Variants in CREBL2 observed in about 807,000 individuals in gnomAD.
CREBL2 encodes the protein cAMP-responsive element-binding protein-like 2.
Under a neutral mutation model 19.5 loss-of-function variants are expected in CREBL2, and 4 were observed. The ratio of observed to expected loss-of-function variants is 0.20; its 90% CI spans 0.10 to 0.47. The LOEUF (loss-of-function observed/expected upper bound fraction) is 0.47. Ranked by LOEUF, CREBL2 falls within the 20% of genes least tolerant of loss-of-function variation. The pLI is 0.98. For missense variants in CREBL2, 85 were observed against 145.1 expected, an observed-to-expected ratio of 0.59 and a Z score of 2.13; for synonymous variants, 42 against 46.6, an observed-to-expected ratio of 0.90 and a Z score of 0.40.
In CREBL2 at chr12:12,621,058, A is replaced by C. The variant is rs573170302; in HGVS notation, c.15+8871A>C. Among the ~76,000 whole-genome samples the C allele has an allele frequency of 3.9e-5, 6 of 152,352 alleles. No homozygotes were observed. In the East Asian group the frequency reaches 7.7e-4, roughly 20 times the overall value. ...CTGTTGTAAAGCATCTTGCACAGTA[A>C]AGTAAGTATTTTGGTACAGCTAGAG... is the stretch of plus-strand genomic sequence containing the variant. On this transcript the variant is annotated intron_variant, in intron 1 of 3. Transcript: ENST00000228865.
intron 1 of CREBL2, among the ~76,000 whole-genome samples, chr12:12,634,449 G>A (rs1945460100): frequency 2.0e-5 from 3 of 152,258 alleles, no homozygotes; most frequent in Admixed American, 2.0e-4. Context: ...GAGGCTTTCT[G>A]TTTGTTCCTT....
intron 3 of CREBL2, among the ~76,000 whole-genome samples, chr12:12,641,498 AG>A (rs1348885845): frequency 1.9e-4 from 29 of 151,764 alleles, no homozygotes; most frequent in African/African-American, 5.8e-4. Context: ...TAGTAGAGAC[AG>A]GGTTTCACCA....
At chr12:12,641,253 A>ATTATTATTATTTTTTTTTTTTTTTTT in intron 3 of CREBL2, among the ~76,000 whole-genome samples, 1 of 78,262 alleles carries the variant, frequency 1.3e-5, no homozygotes, top group Non-Finnish European at 2.5e-5. Context: ...TATTATTATT[A>ATTATTATTATTTTTTTTTTTTTTTTT]TTTTTTTTTA....
Position 12,611,960 on chromosome 12 carries a change from C to T in CREBL2, c.-213C>T, listed in dbSNP as rs747465554. On this transcript the variant is annotated 5_prime_UTR_variant, in exon 1 of 4. Transcript: ENST00000228865. ...AGGAGGCGGCGGCGGCGAAGGGAGGCGTTTGGGGCCGCCTCCAGGGTCCGC... is the reference window on the plus strand; with the variant it reads ...AGGAGGCGGCGGCGGCGAAGGGAGGTGTTTGGGGCCGCCTCCAGGGTCCGC... The T allele has an allele frequency of 6.7e-6, 4 of 592,970 alleles. No individual in the cohort carries two copies. The highest frequency in any genetic ancestry group is 1.2e-5 in the Non-Finnish European group (4 of 339,510). 36.7% of individuals were successfully genotyped at this position (592,970 alleles called of 1,614,324 possible).
At chr12:12,622,750 A>G (rs1015350061) in intron 1 of CREBL2, among the ~76,000 whole-genome samples, 5 of 152,252 alleles carry the variant, frequency 3.3e-5, no homozygotes, top group African/African-American at 7.2e-5. Flanking sequence ...TTAACATCAA[A>G]TGAAAACGCC....
At position 12,642,264 on chromosome 12, in the gene CREBL2, A is replaced by T. The variant is rs1945528490; in HGVS notation, c.*266A>T. The T allele has an allele frequency of 1.8e-5, 6 of 328,970 alleles. No homozygotes were observed. The highest frequency in any genetic ancestry group is 3.3e-5 in the Non-Finnish European group (6 of 180,682). The allele number at this position is 328,970 out of a possible 1,614,324, so 20.4% of individuals were successfully genotyped here. ...ATTTAACATGTTGTGATGCTTGAAA[A>T]CACAGGAGTAGAGAAAATCGATGAA... On this transcript the variant is annotated 3_prime_UTR_variant, in exon 4 of 4. Transcript: ENST00000228865.
chr12:12,632,093 T>C (rs1945446203), intron 1 of CREBL2, among the ~76,000 whole-genome samples: 1 of 124,048 alleles, frequency 8.1e-6, no homozygotes, highest in African/African-American at 3.0e-5. Flanking sequence ...TTTTTTTTTT[T>C]TTGAGACGGA....
At position 12,642,040 on chromosome 12, in the gene CREBL2, G is replaced by T; in HGVS notation, c.*42G>T. ...AGTCAGTGATTGAAGCCAATATTCT[G>T]ATTCCCATGGAAGATGGATGGGCAA... On this transcript the variant is annotated 3_prime_UTR_variant, in exon 4 of 4. Coordinates refer to ENST00000228865, the MANE Select transcript of CREBL2 (RefSeq NM_001310.4). The T allele has an allele frequency of 6.6e-7, 1 of 1,512,184 alleles. No homozygotes were observed. Among genetic ancestry groups the T allele is most frequent in the South Asian group, 1.2e-5 (1 of 85,124 alleles). The allele number at this position is 1,512,184 out of a possible 1,614,324, so 93.7% of individuals were successfully genotyped here. A position where few individuals can be genotyped will look rare whatever the true frequency, so the allele number is the denominator to read the frequency against.
chr12:12,633,917 G>T (rs551984873), intron 1 of CREBL2, among the ~76,000 whole-genome samples: 1 of 152,064 alleles, frequency 6.6e-6, no homozygotes, highest in Non-Finnish European at 1.5e-5. Flanking sequence ...TTTTAGAATT[G>T]CCTTTAAAGC....
intron 3 of CREBL2, among the ~76,000 whole-genome samples, chr12:12,639,324 C>G (rs2136307543): frequency 6.6e-6 from 1 of 152,260 alleles, no homozygotes; most frequent in South Asian, 2.1e-4. Context: ...ACCTAGGAGT[C>G]AAATTGCTGG....
At chr12:12,634,606 A>G (rs887405734) in intron 1 of CREBL2, among the ~76,000 whole-genome samples, 1 of 152,220 alleles carries the variant, frequency 6.6e-6, no homozygotes, top group Non-Finnish European at 1.5e-5. Flanking sequence ...AAAGCTATTT[A>G]TAATTACACC....
At position 12,642,605 on chromosome 12, in the gene CREBL2, A is replaced by G. The variant is rs1255539745; in HGVS notation, c.*607A>G. 1 of 152,512 alleles carries G rather than the reference A, an allele frequency of 6.6e-6. No homozygotes were observed. The highest frequency in any genetic ancestry group is 1.5e-5 in the Non-Finnish European group (1 of 68,044). The allele number at this position is 152,512 out of a possible 1,614,324, so 9.4% of individuals were successfully genotyped here. On this transcript the variant is annotated 3_prime_UTR_variant, in exon 4 of 4. Coordinates refer to ENST00000228865, the MANE Select transcript of CREBL2 (RefSeq NM_001310.4). ...TACATTTCTATTTTTATAATCCATAAGGATATGCCTGTTTTAAATAACATA... is the reference window on the plus strand; with the variant it reads ...TACATTTCTATTTTTATAATCCATAGGGATATGCCTGTTTTAAATAACATA...
At chr12:12,613,676 G>A (rs543481711) in intron 1 of CREBL2, among the ~76,000 whole-genome samples, 2 of 152,294 alleles carry the variant, frequency 1.3e-5, no homozygotes, top group East Asian at 3.9e-4. Flanking sequence ...AAGACAGAAG[G>A]GGGGCGAGTT....
At chr12:12,613,826 A>G (rs1375382029) in intron 1 of CREBL2, among the ~76,000 whole-genome samples, 1 of 152,056 alleles carries the variant, frequency 6.6e-6, no homozygotes, top group African/African-American at 2.4e-5. Flanking sequence ...GTTTTACTAT[A>G]GTAACATTCG....
rs188929136 is a variant in CREBL2 at position 12,625,323 on chromosome 12, T to C, written c.16-10454T>C. Among the ~76,000 whole-genome samples, 60 of 152,270 alleles carry C rather than the reference T, an allele frequency of 3.9e-4. 1 individual carries two copies. The highest frequency in any genetic ancestry group is 3.4e-3 in the Admixed American group (52 of 15,298). On this transcript the variant is annotated intron_variant, in intron 1 of 3. Transcript: ENST00000228865. The stretch of plus-strand genomic sequence containing the variant: ...AATCAGAGGTTTATAAAGGAATACA[T>C]TGGCATCACTTTAGTGGGTGAGCAT...
rs1945530499 is a variant in CREBL2 at position 12,642,454 on chromosome 12, A to C, written c.*456A>C. On this transcript the variant is annotated 3_prime_UTR_variant, in exon 4 of 4. Transcript: ENST00000228865. ...CCAAATGAGCTGATTACTGACTATA[A>C]GTTCTCAGCCTTTATGGACCTAATC... is the stretch of plus-strand genomic sequence containing the variant. 1 of 153,696 alleles carries C rather than the reference A, an allele frequency of 6.5e-6. No individual in the cohort carries two copies. Among genetic ancestry groups the C allele is most frequent in the Non-Finnish European group, 1.5e-5 (1 of 68,838 alleles). 9.5% of individuals were successfully genotyped at this position (153,696 alleles called of 1,614,324 possible).
intron 1 of CREBL2, 93 bp downstream of exon 1, chr12:12,612,280 C>G: frequency 6.2e-7 from 1 of 1,601,688 alleles, no homozygotes; most frequent in Non-Finnish European, 8.5e-7. Flanking sequence ...CGCCAACACC[C>G]AAGAGACACC....
At chr12:12,627,371 AAAAG>A (rs1350839810) in intron 1 of CREBL2, among the ~76,000 whole-genome samples, 1 of 152,164 alleles carries the variant, frequency 6.6e-6, no homozygotes, top group Non-Finnish European at 1.5e-5. Context: ...AAAAAAGAAA[AAAAG>A]AAACTCTGAG....
At chr12:12,621,413 G>T (rs1331154640) in intron 1 of CREBL2, among the ~76,000 whole-genome samples, 2 of 151,874 alleles carry the variant, frequency 1.3e-5, no homozygotes. Context: ...AGCTACTCGG[G>T]AGGCTGAGGC....
Sources: allele counts gnomAD v4.1 joint callset (sites outside exome capture counted in the v4.1 genomes callset), GRCh38; gene constraint gnomAD v4.1.1; transcripts MANE v1.5; gene names NCBI Gene and HGNC (gene_info 2026-07-23, HGNC 2026-07-21).